Variants in CXXC5 observed in about 807,000 individuals in gnomAD.
CXXC5 encodes the protein CXXC finger protein 5, also known as CXXC-type zinc finger protein 5.
CXXC5 carries 2 observed loss-of-function variants against 17.6 expected under a neutral mutation model. The observed-to-expected ratio is 0.11, with a 90% CI of 0.05 to 0.36. CXXC5 has a LOEUF of 0.36. Among genes scored for constraint, CXXC5 ranks in the 10% least tolerant of loss-of-function variants. The pLI, the probability that CXXC5 is intolerant of heterozygous loss-of-function variation, is 1.00. For synonymous variants in CXXC5, 171 were observed against 193.0 expected (o/e 0.89, Z 0.94); for missense variants, 343 against 458.3 (o/e 0.75, Z 2.30).
rs1362780823 is a variant in CXXC5, at chr5:139,670,959, A to G, written c.-160-9405A>G. On this transcript the variant is annotated intron_variant, in intron 1 of 2. Transcript: ENST00000302517. This position sits in a 1 kb window ranked among gnomAD's most constrained non-coding sequence, Gnocchi z 4.2. Reference sequence around the variant, plus strand: ...ATGCATTGCTCTCGTCACCATACACACTCCAGCCCCCTGAGCCCGCTCCCA... The same window carrying G: ...ATGCATTGCTCTCGTCACCATACACGCTCCAGCCCCCTGAGCCCGCTCCCA... Among the ~76,000 whole-genome samples, 3 of 151,644 alleles carry G rather than the reference A, an allele frequency of 2.0e-5. No individual in the cohort carries two copies. Among genetic ancestry groups the G allele is most frequent in the Non-Finnish European group, 1.5e-5 (1 of 67,894 alleles).
At chr5:139,677,248 G>A (rs1429644332) in intron 1 of CXXC5, among the ~76,000 whole-genome samples, 3 of 151,964 alleles carry the variant, frequency 2.0e-5, no homozygotes, top group South Asian at 2.1e-4. Flanking sequence ...TTTCCCTCCC[G>A]CTCATTCCCG....
chr5:139,671,762 A>G (rs968268915), intron 1 of CXXC5, among the ~76,000 whole-genome samples: 2 of 152,218 alleles, frequency 1.3e-5, no homozygotes, highest in Non-Finnish European at 2.9e-5. Context: ...CCAGGACCCA[A>G]GGGAAACCTA....
intron 2 of CXXC5, 99 bp from the exon 3 acceptor site, chr5:139,682,764 C>A: frequency 8.0e-7 from 1 of 1,250,000 alleles, no homozygotes; most frequent in Non-Finnish European, 1.1e-6. Flanking sequence ...CATGCCTGTC[C>A]CTCCGCCATG....
chr5:139,665,529 T>G (rs896700494), intron 1 of CXXC5: 1 of 152,342 alleles, frequency 6.6e-6, no homozygotes, highest in Admixed American at 6.5e-5. Context: ...TCTGACCTGG[T>G]CCCAGGGCTG....
Position 139,683,078 on chromosome 5 carries a change from TCTC to T in CXXC5, c.*173_*175del. 1 of 480,420 alleles carries T rather than the reference TCTC, an allele frequency of 2.1e-6. No homozygotes were observed. Among genetic ancestry groups the T allele is most frequent in the Non-Finnish European group, 3.4e-6 (1 of 296,018 alleles). 29.8% of individuals were successfully genotyped at this position (480,420 alleles called of 1,614,324 possible). A position where few individuals can be genotyped will look rare whatever the true frequency, so the allele number is the denominator to read the frequency against. ...TATATTTTTTGTTGTCGTTTTAACATCTCCACGTCCCTAGCATAAAAAGAAAAA... is the reference window on the plus strand; with the variant it reads ...TATATTTTTTGTTGTCGTTTTAACATCACGTCCCTAGCATAAAAAGAAAAA... On this transcript the variant is annotated 3_prime_UTR_variant, in exon 3 of 3. Coordinates refer to ENST00000302517, the MANE Select transcript of CXXC5 (RefSeq NM_016463.9).
intron 1 of CXXC5, among the ~76,000 whole-genome samples, chr5:139,655,189 A>G (rs980097854): frequency 1.3e-5 from 2 of 152,078 alleles, no homozygotes; most frequent in African/African-American, 2.4e-5. Flanking sequence ...CCCGAGGCCC[A>G]TCCCACCCTC....
intron 1 of CXXC5, chr5:139,649,813 A>C (rs1755068440): frequency 6.6e-6 from 1 of 152,138 alleles, no homozygotes; most frequent in African/African-American, 2.4e-5. Flanking sequence ...TTTACCCATG[A>C]AGTTCGGCCC....
rs1754973696 is a variant in CXXC5, at chr5:139,648,421, G to C, written c.-585G>C. The C allele has an allele frequency of 6.4e-6, 1 of 155,294 alleles. No homozygotes were observed. The highest frequency in any genetic ancestry group is 2.4e-5 in the African/African-American group (1 of 41,394). The allele number at this position is 155,294 out of a possible 1,614,324, so 9.6% of individuals were successfully genotyped here. The stretch of plus-strand genomic sequence containing the variant: ...GCAGCAGAGGCGGCACTGGCGGCAA[G>C]AGCAGACGCCCGAGCCGAGCGAGAA... On this transcript the variant is annotated 5_prime_UTR_variant, in exon 1 of 3. Coordinates refer to ENST00000302517, the MANE Select transcript of CXXC5 (RefSeq NM_016463.9).
intron 1 of CXXC5, among the ~76,000 whole-genome samples, chr5:139,662,658 G>A (rs1755886620): frequency 6.6e-6 from 1 of 152,162 alleles, no homozygotes; most frequent in Non-Finnish European, 1.5e-5. Context: ...ATAAACGACT[G>A]GACCGTGGTT....
chr5:139,667,444 A>C (rs1185281158), intron 1 of CXXC5, among the ~76,000 whole-genome samples: 6 of 152,078 alleles, frequency 3.9e-5, no homozygotes, highest in East Asian at 1.9e-4. Context: ...TTAGCACTCA[A>C]TGTGGGGGCA....
Position 139,680,484 on chromosome 5 carries a change from C to T in CXXC5, c.-40C>T, listed in dbSNP as rs1438049239. ...TGGTCTGTGGACCCTCGGCAGTTGG[C>T]AGGCTCCCTCTGCAGTGGGGTCTGG... On this transcript the variant is annotated 5_prime_UTR_variant, in exon 2 of 3. Transcript: ENST00000302517. 1.3e-6 allele frequency: 2 copies of T among 1,523,200 alleles called. No homozygotes were observed. The highest frequency in any genetic ancestry group is 2.5e-5 in the South Asian group (2 of 80,034). 94.4% of individuals were successfully genotyped at this position (1,523,200 alleles called of 1,614,324 possible).
intron 1 of CXXC5, among the ~76,000 whole-genome samples, chr5:139,652,305 G>A (rs915611696): frequency 6.6e-5 from 10 of 152,006 alleles, no homozygotes; most frequent in South Asian, 2.1e-4. Context: ...TTACTCACGC[G>A]CTACTGCCCA....
intron 1 of CXXC5, among the ~76,000 whole-genome samples, chr5:139,651,364 C>G (rs1213229440): frequency 6.6e-6 from 1 of 151,862 alleles, no homozygotes; most frequent in Non-Finnish European, 1.5e-5. Flanking sequence ...CCTGGAATGT[C>G]CACCCAGCTG....
In CXXC5 at chr5:139,661,292, G is replaced by A. The variant is rs904575160; in HGVS notation, c.-161+12447G>A. 1.5e-4 allele frequency among the ~76,000 whole-genome samples: 23 copies of A among 152,182 alleles called. No individual in the cohort carries two copies. The highest frequency in any genetic ancestry group is 4.8e-4 in the African/African-American group (20 of 41,442). On this transcript the variant is annotated intron_variant, in intron 1 of 2. Coordinates refer to ENST00000302517, the MANE Select transcript of CXXC5 (RefSeq NM_016463.9). The surrounding 1 kb of genome is among the most constrained non-coding windows in gnomAD (Gnocchi z 4.7). ...GAGTCACCCCATCCCCAGCAGCCCC[G>A]AGAGGCCCTGCGGCCTGGCAGTTAG... is the stretch of plus-strand genomic sequence containing the variant.
chr5:139,671,387 C>G (rs930812376), intron 1 of CXXC5, among the ~76,000 whole-genome samples: 3 of 152,216 alleles, frequency 2.0e-5, no homozygotes, highest in Non-Finnish European at 4.4e-5. Flanking sequence ...CCTGGCCATC[C>G]CCTCTCTTCC....
intron 1 of CXXC5, among the ~76,000 whole-genome samples, chr5:139,659,269 A>G (rs1045761667): frequency 6.6e-6 from 1 of 152,086 alleles, no homozygotes; most frequent in African/African-American, 2.4e-5. Flanking sequence ...GGGGGGAGGT[A>G]AGGAGCCGGC....
chr5:139,673,195 T>C (rs1215040133), intron 1 of CXXC5, among the ~76,000 whole-genome samples: 1 of 152,116 alleles, frequency 6.6e-6, no homozygotes, highest in Non-Finnish European at 1.5e-5. Flanking sequence ...CTTCAGAGAT[T>C]GGGTATGAGG....
chr5:139,680,555 C>A lies in CXXC5; in HGVS notation c.32C>A (p.Ala11Asp). 1 of 1,574,968 alleles carries A rather than the reference C, an allele frequency of 6.3e-7. No homozygotes were observed. Residue 11 changes from alanine (A) to aspartate (D), a missense_variant, in exon 2 of 3, where the codon GCC becomes GAC. This residue lies in a region of CXXC5 where 297 missense variants were observed against 363.4 expected (regional missense o/e 0.82). Transcript: ENST00000302517. Reference sequence around the variant, plus strand: ...AGCCTCGGCGGTGGCTCCCAGGATGCCGGCGGCAGTAGCAGCAGCAGCACC... The same window carrying A: ...AGCCTCGGCGGTGGCTCCCAGGATGACGGCGGCAGTAGCAGCAGCAGCACC... MSSLGGGSQD[A>D]GGSSSSSTNG...
intron 1 of CXXC5, among the ~76,000 whole-genome samples, chr5:139,678,892 G>A (rs1757020288): frequency 6.6e-6 from 1 of 152,228 alleles, no homozygotes. Flanking sequence ...GGCCACAGCA[G>A]GCAGACAGGG....
Sources: gnomAD v4.1 joint callset for allele counts (sites outside exome capture counted in the v4.1 genomes callset) on GRCh38, gnomAD v4.1.1 for gene constraint, gnomAD v4.1.1 regional missense constraint, Gnocchi (gnomAD v3.1) non-coding constraint, MANE v1.5 for transcripts, NCBI Gene and HGNC (gene_info 2026-07-23, HGNC 2026-07-21) for gene names.